The following ACLY variants were observed in gnomAD, a reference collection of about 807,000 sequenced individuals.
The protein encoded by ACLY is ATP-citrate synthase.
A neutral mutation model predicts 133.0 loss-of-function variants in ACLY; 41 were observed. The observed-to-expected ratio is 0.31, with a 90% CI of 0.24 to 0.40. The LOEUF (loss-of-function observed/expected upper bound fraction) is 0.40, where lower values mean the gene tolerates loss of function less well. Among genes scored for constraint, ACLY ranks in the 10% least tolerant of loss-of-function variants. ACLY has a pLI of 1.00. For synonymous variants in ACLY, 495 were observed against 549.3 expected (o/e 0.90, Z 1.38); for missense variants, 1,046 against 1,453.8 (o/e 0.72, Z 4.56).
chr17:41,912,332 G>A, intron 3 of ACLY, 88 bp downstream of exon 3: 1 of 1,529,470 alleles, frequency 6.5e-7, no homozygotes, highest in Non-Finnish European at 8.9e-7. Flanking sequence ...GACTGGCTGT[G>A]GGGGTGATCC....
In ACLY at chr17:41,871,803, T is replaced by A; in HGVS notation, c.2823A>T (p.Ala941=). ...AGGCTTTACTGAACATCTTGGCTGC[T>A]GCATCCAAGGCACCCCCAAACCGAT... The part of the protein sequence containing the change: ...IGDRFGGALD[A]AAKMFSKAFD... Residue 941 remains alanine (A), a synonymous_variant, in exon 25 of 29, where the codon GCA becomes GCT. Transcript: ENST00000352035. 2 of 1,614,152 alleles carry A rather than the reference T, an allele frequency of 1.2e-6. No individual in the cohort carries two copies. Among genetic ancestry groups the A allele is most frequent in the Middle Eastern group, 1.6e-4 (1 of 6,062 alleles).
intron 20 of ACLY, among the ~76,000 whole-genome samples, chr17:41,880,020 G>A (rs996883411): frequency 2.0e-5 from 3 of 152,106 alleles, no homozygotes; most frequent in East Asian, 3.9e-4. Flanking sequence ...ATGAGCCAGC[G>A]CGCCCAGCGT....
At chr17:41,870,126 G>C (rs1360413541) in intron 25 of ACLY, among the ~76,000 whole-genome samples, 2 of 152,160 alleles carry the variant, frequency 1.3e-5, no homozygotes, top group African/African-American at 4.8e-5. Context: ...ATACCAAATC[G>C]AATACCAAAG....
Position 41,867,816 on chromosome 17 carries a change from G to A in ACLY, c.3300C>T (p.Ser1100=), listed in dbSNP as rs1555624192. ...AGTAGGGTTCCTGGCTCTGTTACAT[G>A]CTCATGTGTTCCGGAAGAACATATG... ...DISYVLPEHM[S]M Residue 1100 remains serine (S), a synonymous_variant, in exon 29 of 29, where the codon AGC becomes AGT. Transcript: ENST00000352035. 6.2e-7 allele frequency: 1 copy of A among 1,609,182 alleles called. No homozygotes were observed. Among genetic ancestry groups the A allele is most frequent in the East Asian group, 2.2e-5 (1 of 44,468 alleles).
intron 1 of ACLY, 74 bp downstream of exon 1, chr17:41,918,806 G>A (rs2050125344): frequency 7.9e-7 from 1 of 1,266,004 alleles, no homozygotes. Context: ...AGGCGGTTCC[G>A]GGTTGGGGGA....
upstream of ACLY, among the ~76,000 whole-genome samples, chr17:41,920,590 C>CAAAAA (rs57800581): frequency 1.4e-5 from 1 of 73,996 alleles, no homozygotes; most frequent in Admixed American, 1.6e-4. Context: ...GATTCTATCT[C>CAAAAA]AAAAAAAAAA....
chr17:41,873,441 A>G (rs961045189), intron 23 of ACLY, among the ~76,000 whole-genome samples: 1 of 152,138 alleles, frequency 6.6e-6, no homozygotes, highest in Non-Finnish European at 1.5e-5. Context: ...TCGGCCTCCC[A>G]AAGTGCTGGG....
At chr17:41,899,959 C>T (rs2049480860) in intron 11 of ACLY, among the ~76,000 whole-genome samples, 1 of 149,376 alleles carries the variant, frequency 6.7e-6, no homozygotes, top group South Asian at 2.1e-4. Context: ...GTCCCAGCTA[C>T]TCAGGAGGTT....
intron 1 of ACLY, among the ~76,000 whole-genome samples, chr17:41,918,136 G>A (rs1268429735): frequency 6.6e-6 from 1 of 152,224 alleles, no homozygotes; most frequent in East Asian, 1.9e-4. Flanking sequence ...GGCGGCGGCA[G>A]CATCCTCCAG....
chr17:41,899,258 CAG>C (rs2049458336), intron 11 of ACLY, among the ~76,000 whole-genome samples: 1 of 151,340 alleles, frequency 6.6e-6, no homozygotes, highest in African/African-American at 2.4e-5. Flanking sequence ...GCCTGGGTGA[CAG>C]AGTGAGACTC....
At chr17:41,918,108 T>G (rs1453831266) in intron 1 of ACLY, among the ~76,000 whole-genome samples, 1 of 152,206 alleles carries the variant, frequency 6.6e-6, no homozygotes, top group Non-Finnish European at 1.5e-5. Flanking sequence ...ACTGGCCCAT[T>G]GCCAGGCTCG....
chr17:41,918,533 C>T (rs1056178519), intron 1 of ACLY, among the ~76,000 whole-genome samples: 1 of 152,228 alleles, frequency 6.6e-6, no homozygotes, highest in Non-Finnish European at 1.5e-5. Context: ...CCCGATGAGC[C>T]CGAGGAGCCT....
At chr17:41,869,397 C>A in intron 26 of ACLY, 77 bp downstream of exon 26, 2 of 1,237,370 alleles carry the variant, frequency 1.6e-6, no homozygotes, top group South Asian at 2.5e-5. Flanking sequence ...GCTGCATAAT[C>A]AAAATGTAAC....
chr17:41,878,332 T>TTCTTTTCATTTAGTTCTC, intron 21 of ACLY, 136 bp from the exon 22 acceptor site: 1 of 565,120 alleles, frequency 1.8e-6, no homozygotes, highest in Non-Finnish European at 2.9e-6. Context: ...TTCTGAGAAC[T>TTCTTTTCATTTAGTTCTC]AAATGAAAAG....
Position 41,908,131 on chromosome 17 carries a change from G to A in ACLY, c.617-559C>T, listed in dbSNP as rs1347910404. Among the ~76,000 whole-genome samples, 2 of 152,232 alleles carry A rather than the reference G, an allele frequency of 1.3e-5. 1 individual carries two copies. The highest frequency in any genetic ancestry group is 6.8e-3 in the Middle Eastern group (2 of 294). On this transcript the variant is annotated intron_variant, in intron 6 of 28. Transcript: ENST00000352035. ...ATTTAGCTGATTGAGTTAGCACAAG[G>A]CCATCTGGTCCATTAGAGGGGCTGC... is the stretch of plus-strand genomic sequence containing the variant.
chr17:41,913,212 G>A (rs1239863486), intron 2 of ACLY, among the ~76,000 whole-genome samples: 2 of 152,200 alleles, frequency 1.3e-5, no homozygotes, highest in Non-Finnish European at 2.9e-5. Context: ...ACCCTCCAGG[G>A]TCGGGGCCAT....
chr17:41,877,096 C>T (rs2048780211), intron 22 of ACLY, among the ~76,000 whole-genome samples: 2 of 151,972 alleles, frequency 1.3e-5, no homozygotes, highest in South Asian at 2.1e-4. Context: ...TTTACAGTTA[C>T]ATTTTTATTA....
At chr17:41,922,580 C>T (rs2050196029), upstream of ACLY, among the ~76,000 whole-genome samples, 1 of 152,002 alleles carries the variant, frequency 6.6e-6, no homozygotes, top group South Asian at 2.1e-4. Context: ...ATTCACTTGC[C>T]CTTTGGTCCA....
chr17:41,927,559 C>T (rs1237054257), intron 1 of ACLY, among the ~76,000 whole-genome samples: 1 of 152,170 alleles, frequency 6.6e-6, no homozygotes, highest in Non-Finnish European at 1.5e-5. Context: ...GGCGCAGTGG[C>T]TCATGCCTGT....
Sources: allele counts gnomAD v4.1 joint callset (sites outside exome capture counted in the v4.1 genomes callset), GRCh38; gene constraint gnomAD v4.1.1; transcripts MANE v1.5; gene names NCBI Gene and HGNC (gene_info 2026-07-23, HGNC 2026-07-21).